The following PDE1C variants were observed in gnomAD, a reference collection of about 807,000 sequenced individuals.
The protein encoded by PDE1C is phosphodiesterase 1C.
A neutral mutation model predicts 93.1 loss-of-function variants in PDE1C; 62 were observed. The ratio of observed to expected loss-of-function variants is 0.67; its 90% confidence interval spans 0.54 to 0.82. The LOEUF is 0.82. Ranked by LOEUF, PDE1C falls within the 40% of genes least tolerant of loss-of-function variation. The pLI is 0.00. For missense variants in PDE1C, 742 were observed against 884.6 expected (o/e 0.84, Z 2.04); for synonymous variants, 325 against 310.1 (o/e 1.05, Z -0.50).
At position 32,153,542 on chromosome 7, in the gene PDE1C, G is replaced by A. The variant is rs142491694; in HGVS notation, c.308+16243C>T. ...TGGGGGTTCTCAGCCCTGCTGCATGGCAGCAGAATGGGACCCAAAGAAGTT... is the reference window on the plus strand; with the variant it reads ...TGGGGGTTCTCAGCCCTGCTGCATGACAGCAGAATGGGACCCAAAGAAGTT... On this transcript the variant is annotated intron_variant, in intron 3 of 18. Coordinates refer to the PDE1C transcript ENST00000396193. 2.7e-3 allele frequency among the ~76,000 whole-genome samples: 407 copies of A among 152,320 alleles called. 3 individuals carry two copies. Among genetic ancestry groups the A allele is most frequent in the African/African-American group, 9.4e-3 (392 of 41,570 alleles).
At chr7:32,076,374 C>T (rs1484843559), upstream of PDE1C, among the ~76,000 whole-genome samples, 1 of 152,088 alleles carries the variant, frequency 6.6e-6, no homozygotes, top group Non-Finnish European at 1.5e-5. Context: ...GGTGCAGTGG[C>T]TCATGCCTGT....
chr7:31,764,601 T>C (rs1795027278), intron 17 of PDE1C, among the ~76,000 whole-genome samples: 1 of 152,230 alleles, frequency 6.6e-6, no homozygotes. Context: ...ACACTTCTCA[T>C]TCTTAAGACA....
At chr7:31,794,050 A>AGATAGACG (rs1784940318) in intron 16 of PDE1C, among the ~76,000 whole-genome samples, 3 of 128,958 alleles carry the variant, frequency 2.3e-5, no homozygotes, top group African/African-American at 1.1e-4. Flanking sequence ...ATAGACAGAC[A>AGATAGACG]GACAGACAGA....
chr7:32,069,320 G>A (rs1328642998), intron 1 of PDE1C, among the ~76,000 whole-genome samples: 1 of 152,170 alleles, frequency 6.6e-6, no homozygotes, highest in Non-Finnish European at 1.5e-5. Flanking sequence ...AAACTGGCAG[G>A]AAGCTGGTTT....
intron 3 of PDE1C, among the ~76,000 whole-genome samples, chr7:32,134,215 T>A (rs796691086): frequency 3.0e-4 from 46 of 151,974 alleles, no homozygotes; most frequent in African/African-American, 1.1e-3. Context: ...GATTTAAAAA[T>A]TGGCCAGAGG....
chr7:31,809,159 G>T, intron 15 of PDE1C, 51 bp from the exon 16 acceptor site: 2 of 981,012 alleles, frequency 2.0e-6, no homozygotes, highest in Non-Finnish European at 3.3e-6. Flanking sequence ...TGAGGGGGTT[G>T]TTATAAACAT....
intron 2 of PDE1C, among the ~76,000 whole-genome samples, chr7:31,981,369 C>T (rs1479978422): frequency 1.3e-5 from 2 of 152,016 alleles, no homozygotes; most frequent in African/African-American, 2.4e-5. Context: ...TAGATAAGGT[C>T]GTAAATAAAG....
chr7:31,873,515 A>C, intron 5 of PDE1C, 107 bp from the exon 6 acceptor site: 1 of 694,252 alleles, frequency 1.4e-6, no homozygotes, highest in South Asian at 1.8e-5. Flanking sequence ...GAGATTTCAC[A>C]GTGTGACACT....
intron 3 of PDE1C, among the ~76,000 whole-genome samples, chr7:32,129,894 A>G (rs1017318571): frequency 6.6e-6 from 1 of 152,102 alleles, no homozygotes; most frequent in Non-Finnish European, 1.5e-5. Flanking sequence ...CATTGTTCCA[A>G]TATAATTAGT....
At chr7:31,830,356 C>A (rs1176933603) in intron 11 of PDE1C, among the ~76,000 whole-genome samples, 4 of 152,022 alleles carry the variant, frequency 2.6e-5, no homozygotes, top group Admixed American at 2.0e-4. Context: ...CAAAAGAGGG[C>A]AAAAGTCTCT....
At chr7:32,338,794 G>A (rs577432867) in intron 1 of PDE1C, among the ~76,000 whole-genome samples, 2 of 152,204 alleles carry the variant, frequency 1.3e-5, no homozygotes, top group East Asian at 1.9e-4. Context: ...ACGAGGTCAG[G>A]AGATCGAGAC....
intron 7 of PDE1C, among the ~76,000 whole-genome samples, chr7:31,851,997 G>C (rs1245917445): frequency 5.3e-5 from 8 of 152,116 alleles, no homozygotes; most frequent in African/African-American, 1.9e-4. Context: ...TATCCAAACT[G>C]GTGAACTCAT....
At chr7:32,395,144 A>G (rs1478773288) in intron 1 of PDE1C, among the ~76,000 whole-genome samples, 4 of 152,260 alleles carry the variant, frequency 2.6e-5, no homozygotes, top group Non-Finnish European at 4.4e-5. Flanking sequence ...TTCAATAACT[A>G]TTTGAGCACA....
intron 1 of PDE1C, among the ~76,000 whole-genome samples, chr7:32,234,789 A>C (rs1412440814): frequency 6.6e-6 from 1 of 152,060 alleles, no homozygotes; most frequent in Non-Finnish European, 1.5e-5. Context: ...TTACTCTGAT[A>C]CCAAAACCAA....
chr7:32,307,696 C>G (rs1454187341), intron 1 of PDE1C, among the ~76,000 whole-genome samples: 1 of 152,164 alleles, frequency 6.6e-6, no homozygotes, highest in Non-Finnish European at 1.5e-5. Context: ...TTCACACGAT[C>G]AAAGCACCTG....
rs151049654 is a variant in PDE1C at position 31,828,750 on chromosome 7, T to C, written c.1204-377A>G. Among the ~76,000 whole-genome samples, 432 of 152,288 alleles carry C rather than the reference T, an allele frequency of 2.8e-3. 2 individuals are homozygous for C. The highest frequency in any genetic ancestry group is 9.8e-3 in the African/African-American group (409 of 41,572). ...CAACCTGTGGCCATTGTTTAGCTAA[T>C]GAACTCCTCCCAGATGTGGGCAGTG... is the stretch of plus-strand genomic sequence containing the variant. On this transcript the variant is annotated intron_variant, in intron 11 of 17. Coordinates refer to ENST00000396191, the MANE Select transcript of PDE1C (RefSeq NM_001191057.4).
At chr7:31,620,796 A>G in the PDE1C span, among the ~76,000 whole-genome samples, 286 of 152,340 alleles carry the variant, frequency 1.9e-3, 1 homozygote, top group African/African-American at 6.7e-3. Context: ...AAGACATCAG[A>G]CGATCAAACT....
At chr7:31,821,906 G>A (rs181626455) in intron 14 of PDE1C, among the ~76,000 whole-genome samples, 18 of 152,076 alleles carry the variant, frequency 1.2e-4, no homozygotes, top group East Asian at 1.9e-4. Context: ...CTTACCCACC[G>A]TCCCCACCCT....
chr7:31,735,474 C>A, the PDE1C span, among the ~76,000 whole-genome samples: 177 of 151,828 alleles, frequency 1.2e-3, no homozygotes, highest in Middle Eastern at 3.4e-3. Flanking sequence ...ACGTCCCAGG[C>A]CTGCTATTGC....
Sources: gnomAD v4.1 joint callset for allele counts (sites outside exome capture counted in the v4.1 genomes callset) on GRCh38, gnomAD v4.1.1 for gene constraint, MANE v1.5 for transcripts, NCBI Gene and HGNC (gene_info 2026-07-23, HGNC 2026-07-21) for gene names.